POU2F2: variants seen among roughly 807,000 people sequenced by gnomAD.
POU2F2 encodes POU domain, class 2, transcription factor 2.
POU2F2 carries 14 observed loss-of-function variants against 63.5 expected under a neutral mutation model. The observed-to-expected ratio is 0.22, with a 90% CI of 0.15 to 0.34. The LOEUF (loss-of-function observed/expected upper bound fraction) is 0.34, where lower values mean the gene tolerates loss of function less well. Ranked by LOEUF, POU2F2 falls within the 10% of genes least tolerant of loss-of-function variation. The pLI is 1.00. For synonymous variants in POU2F2, 306 were observed against 348.6 expected, an observed-to-expected ratio of 0.88 and a Z score of 1.36; for missense variants, 607 against 815.2, an observed-to-expected ratio of 0.74 and a Z score of 3.11.
At chr19:42,145,790 T>A (rs1439335874) in intron 2 of POU2F2, among the ~76,000 whole-genome samples, 1 of 152,060 alleles carries the variant, frequency 6.6e-6, no homozygotes, top group African/African-American at 2.4e-5. Context: ...CAAAATTAGC[T>A]GGGCATGGTG....
rs185411579 is a variant in POU2F2, at chr19:42,195,329, T to G, written c.-70+1054A>C. Among the ~76,000 whole-genome samples the G allele has an allele frequency of 5.9e-3, 833 of 141,964 alleles. 22 individuals carry two copies. The highest frequency in any genetic ancestry group is 0.023 in the African/African-American group (793 of 34,480). 93.1% of individuals were successfully genotyped at this position (141,964 alleles called of 152,430 possible). The stretch of plus-strand genomic sequence containing the variant: ...CTTCCCTTCCTTCCCTCCCTCTTTT[T>G]CTTTTTTTTTTTTTTTTTTTTGAGA... On this transcript the variant is annotated intron_variant, in intron 1 of 5. Coordinates refer to the POU2F2 transcript ENST00000532176.
chr19:42,186,830 T>C (rs1255556780), intron 1 of POU2F2, among the ~76,000 whole-genome samples: 2 of 152,090 alleles, frequency 1.3e-5, no homozygotes, highest in East Asian at 3.9e-4. Flanking sequence ...CGTTTCTCAC[T>C]TGGATGCCCG....
At chr19:42,139,192 C>T (rs557357366) in intron 2 of POU2F2, among the ~76,000 whole-genome samples, 7 of 152,228 alleles carry the variant, frequency 4.6e-5, no homozygotes, top group Non-Finnish European at 7.4e-5. Context: ...TGGTGGCGCA[C>T]GCCTGTAGTC....
In POU2F2 at chr19:42,153,591, C is replaced by T. The variant is rs1297126621; in HGVS notation, c.-9+6741G>A. Among the ~76,000 whole-genome samples, 1 of 152,060 alleles carries T rather than the reference C, an allele frequency of 6.6e-6. No individual in the cohort carries two copies. The highest frequency in any genetic ancestry group is 2.4e-5 in the African/African-American group (1 of 41,380). On this transcript the variant is annotated intron_variant, in intron 2 of 6. Coordinates refer to the POU2F2 transcript ENST00000524801. The surrounding 1 kb of genome is among the most constrained non-coding windows in gnomAD (Gnocchi z 5.6). The stretch of plus-strand genomic sequence containing the variant: ...GCTGCGTGTGCTTCAGGGATCTGCG[C>T]GGTGGTCTCTATGTGTACTGGAAGC...
intron 1 of POU2F2, among the ~76,000 whole-genome samples, chr19:42,171,169 A>G (rs1251489821): frequency 3.3e-5 from 5 of 152,192 alleles, no homozygotes; most frequent in African/African-American, 7.2e-5. Context: ...TCATTCTTCA[A>G]TGACCGCTGG....
chr19:42,125,075 TA>T (rs1222122340), intron 1 of POU2F2, among the ~76,000 whole-genome samples: 1 of 152,074 alleles, frequency 6.6e-6, no homozygotes, highest in African/African-American at 2.4e-5. Flanking sequence ...ATTTAAAAGC[TA>T]AAAAGCAAAA....
chr19:42,122,588 G>C lies in POU2F2; in HGVS notation c.29-12C>G. The C allele has an allele frequency of 6.4e-7, 1 of 1,562,422 alleles. No homozygotes were observed. Among genetic ancestry groups the C allele is most frequent in the African/African-American group, 1.4e-5 (1 of 73,206 alleles). The stretch of plus-strand genomic sequence containing the variant: ...AGACATTCTTATTTCTGGGGACAGA[G>C]GAGGAATGGAAGTGGGGTGAAGGAG... On this transcript the variant is annotated splice_polypyrimidine_tract_variant and intron_variant, in intron 1 of 14. Transcript: ENST00000692977.
intron 2 of POU2F2, among the ~76,000 whole-genome samples, chr19:42,142,420 G>C (rs2034146425): frequency 6.6e-6 from 1 of 152,070 alleles, no homozygotes; most frequent in Admixed American, 6.5e-5. Context: ...TTAATCTCCT[G>C]ACCTTGTGAT....
upstream of POU2F2, among the ~76,000 whole-genome samples, chr19:42,197,562 C>A (rs532262690): frequency 1.3e-5 from 2 of 152,312 alleles, no homozygotes; most frequent in East Asian, 3.9e-4. Context: ...ACCCTACCCC[C>A]ACTCCCCACC....
chr19:42,124,834 C>T (rs973934238), intron 1 of POU2F2, among the ~76,000 whole-genome samples: 1 of 152,104 alleles, frequency 6.6e-6, no homozygotes, highest in African/African-American at 2.4e-5. Flanking sequence ...TTTATGATTC[C>T]AATTACAGGA....
chr19:42,177,285 T>G (rs1471459174), upstream of POU2F2: 1 of 155,756 alleles, frequency 6.4e-6, no homozygotes, highest in Non-Finnish European at 1.4e-5. Context: ...GCCCGCTCGC[T>G]GCCTGCTGCT....
rs889385879 is a variant in POU2F2, at chr19:42,086,904, T to G, written c.*4353A>C. 7.9e-5 allele frequency: 12 copies of G among 152,164 alleles called. No individual in the cohort carries two copies. Among genetic ancestry groups the G allele is most frequent in the Non-Finnish European group, 1.8e-4 (12 of 68,022 alleles). 9.4% of individuals were successfully genotyped at this position (152,164 alleles called of 1,614,324 possible). Reference sequence around the variant, plus strand: ...TTCTCTCTGGATTTTTCTCTCCTTTTGTTTGTTTAACAAGGAGCTAACAAT... The same window carrying G: ...TTCTCTCTGGATTTTTCTCTCCTTTGGTTTGTTTAACAAGGAGCTAACAAT... On this transcript the variant is annotated 3_prime_UTR_variant, in exon 15 of 15. Transcript: ENST00000692977.
Position 42,096,271 on chromosome 19 carries a change from G to A in POU2F2, c.568-28C>T, listed in dbSNP as rs772398758. On this transcript the variant is annotated intron_variant, in intron 7 of 14. Transcript: ENST00000692977. This position sits in a 1 kb window ranked among gnomAD's most constrained non-coding sequence, Gnocchi z 4.1. ...GGTGGGGTGGGCAGGTGGGTGGGAT[G>A]CAGGGCGGAGGACCAGGATGGGGCT... 2.0e-5 allele frequency: 30 copies of A among 1,521,736 alleles called. No individual in the cohort carries two copies. Among genetic ancestry groups the A allele is most frequent in the African/African-American group, 5.4e-5 (4 of 73,426 alleles). The allele number at this position is 1,521,736 out of a possible 1,614,324, so 94.3% of individuals were successfully genotyped here. A position where few individuals can be genotyped will look rare whatever the true frequency, so the allele number is the denominator to read the frequency against.
At chr19:42,143,325 C>T (rs2034166088) in intron 2 of POU2F2, among the ~76,000 whole-genome samples, 1 of 152,148 alleles carries the variant, frequency 6.6e-6, no homozygotes, top group African/African-American at 2.4e-5. Context: ...GCACTCCACC[C>T]TGGGCAAAAG....
At chr19:42,099,904 G>A (rs1568988501) in intron 5 of POU2F2, 83 bp from the exon 6 acceptor site, 1 of 1,123,044 alleles carries the variant, frequency 8.9e-7, no homozygotes. Context: ...ACCTTGAGGG[G>A]CTGAAACCAG....
Position 42,088,565 on chromosome 19 carries a change from C to T in POU2F2, c.*2692G>A, listed in dbSNP as rs1219131775. ...TTTGTTTGAGTCATCTCCACCATGC[C>T]TTCCATGCTGCCTGTCTTCTCGGAG... On this transcript the variant is annotated 3_prime_UTR_variant, in exon 15 of 15. Transcript: ENST00000692977. 2 of 149,508 alleles carry T rather than the reference C, an allele frequency of 1.3e-5. No homozygotes were observed. Among genetic ancestry groups the T allele is most frequent in the Admixed American group, 1.3e-4 (2 of 14,988 alleles). The allele number at this position is 149,508 out of a possible 1,614,324, so 9.3% of individuals were successfully genotyped here.
intron 2 of POU2F2, among the ~76,000 whole-genome samples, chr19:42,137,598 C>T (rs1283195899): frequency 6.6e-6 from 1 of 151,890 alleles, no homozygotes; most frequent in Admixed American, 6.6e-5. Flanking sequence ...TGGTGGTGTG[C>T]GTCTGTAGTC....
chr19:42,132,017 A>G (rs2033780955), intron 1 of POU2F2, among the ~76,000 whole-genome samples: 1 of 152,194 alleles, frequency 6.6e-6, no homozygotes, highest in Admixed American at 6.5e-5. Flanking sequence ...CCCCAAGTCC[A>G]GCAACTTGGC....
chr19:42,128,740 A>G (rs1247705059), intron 1 of POU2F2, among the ~76,000 whole-genome samples: 3 of 152,152 alleles, frequency 2.0e-5, no homozygotes, highest in Non-Finnish European at 2.9e-5. Flanking sequence ...TCAACTCTAG[A>G]AAAATATTGA....
Sources: allele counts gnomAD v4.1 joint callset (sites outside exome capture counted in the v4.1 genomes callset), GRCh38; gene constraint gnomAD v4.1.1; non-coding constraint Gnocchi (gnomAD v3.1); transcripts MANE v1.5; gene names NCBI Gene and HGNC (gene_info 2026-07-23, HGNC 2026-07-21).